GPR179: variants seen among roughly 807,000 people sequenced by gnomAD.
GPR179 encodes probable G protein-coupled receptor 179.
Under a neutral mutation model 70.8 loss-of-function variants are expected in GPR179, and 52 were observed. The ratio of observed to expected loss-of-function variants is 0.73; its 90% CI spans 0.59 to 0.93. The LOEUF is 0.93. GPR179 is among the 40% of genes least tolerant of loss of function. The pLI is 0.00. For synonymous variants in GPR179, 1,123 were observed against 1,169.0 expected, an observed-to-expected ratio of 0.96 and a Z score of 0.80; for missense variants, 2,734 against 2,966.8, an observed-to-expected ratio of 0.92 and a Z score of 1.82.
chr17:38,335,792 C>T, intron 5 of GPR179, 92 bp from the exon 6 acceptor site: 1 of 818,394 alleles, frequency 1.2e-6, no homozygotes, highest in South Asian at 1.4e-5. Context: ...TCCCAACAGC[C>T]CTGCAATAGA....
Position 38,325,049 on chromosome 17 carries a change from T to C in GPR179, c.*1416A>G, listed in dbSNP as rs2037272814. On this transcript the variant is annotated 3_prime_UTR_variant, in exon 11 of 11. Coordinates refer to ENST00000616987, the MANE Select transcript of GPR179 (RefSeq NM_001004334.4). ...TGTACTGTTAGAGGGCGTGACTTAC[T>C]GCCATCTTTAGTGCCCCTGTGCAGC... 6.6e-6 allele frequency among the ~76,000 whole-genome samples: 1 copy of C among 152,212 alleles called. No homozygotes were observed. The highest frequency in any genetic ancestry group is 1.5e-5 in the Non-Finnish European group (1 of 68,044).
At chr17:38,340,155 GAC>G (rs1198886799) in intron 1 of GPR179, among the ~76,000 whole-genome samples, 3 of 151,832 alleles carry the variant, frequency 2.0e-5, no homozygotes, top group Non-Finnish European at 4.4e-5. Context: ...TTTTTTCTTA[GAC>G]ACACAGTCTT....
chr17:38,328,821 T>C lies in GPR179; in HGVS notation c.4748A>G (p.Gln1583Arg), dbSNP rs1442145421. Reference protein sequence around the residue: ...CPQEDLRPEAQEATPAKTEIC... With the variant: ...CPQEDLRPEAREATPAKTEIC... ...TTCTGTTTTGGCAGGTGTTGCTTCC[T>C]GTGCCTCCGGCCTGAGATCTTCCTG... Residue 1583 changes from glutamine to arginine, a missense_variant, in exon 11 of 11, where the codon CAG becomes CGG. Transcript: ENST00000616987. The C allele has an allele frequency of 2.5e-6, 4 of 1,614,022 alleles. No individual in the cohort carries two copies. The highest frequency in any genetic ancestry group is 2.7e-5 in the African/African-American group (2 of 74,892).
At chr17:38,340,894 G>C (rs2037443999) in intron 1 of GPR179, among the ~76,000 whole-genome samples, 1 of 152,218 alleles carries the variant, frequency 6.6e-6, no homozygotes, top group Non-Finnish European at 1.5e-5. Context: ...CTTCAGCCTA[G>C]TGACAGAGCA....
At position 38,325,541 on chromosome 17, in the gene GPR179, G is replaced by A. The variant is rs1258243203; in HGVS notation, c.*924C>T. ...TCCAGTTGCCTTGACAAAAGAGAGA[G>A]GTCCTGTTGATGGCAGCGCTGAAAA... On this transcript the variant is annotated 3_prime_UTR_variant, in exon 11 of 11. Transcript: ENST00000616987. 1 of 152,228 alleles carries A rather than the reference G, an allele frequency of 6.6e-6. No individual in the cohort carries two copies. Among genetic ancestry groups the A allele is most frequent in the African/African-American group, 2.4e-5 (1 of 41,410 alleles). 9.4% of individuals were successfully genotyped at this position (152,228 alleles called of 1,614,324 possible). A position where few individuals can be genotyped will look rare whatever the true frequency, so the allele number is the denominator to read the frequency against.
chr17:38,341,909 G>A (rs2037451829), intron 1 of GPR179, among the ~76,000 whole-genome samples: 1 of 152,108 alleles, frequency 6.6e-6, no homozygotes, highest in African/African-American at 2.4e-5. Flanking sequence ...CTTGAGGTCA[G>A]GAGTTCGAGA....
chr17:38,333,597 C>T (rs2037378205), intron 9 of GPR179, among the ~76,000 whole-genome samples, 200 bp from the exon 10 acceptor site: 1 of 152,186 alleles, frequency 6.6e-6, no homozygotes, highest in Non-Finnish European at 1.5e-5. Context: ...TGGTTCTAAG[C>T]CCCTGACCCT....
Position 38,329,753 on chromosome 17 carries a change from T to C in GPR179, c.3816A>G (p.Gly1272=), listed in dbSNP as rs1227585481. The C allele has an allele frequency of 1.9e-6, 3 of 1,614,036 alleles. No homozygotes were observed. The highest frequency in any genetic ancestry group is 1.3e-5 in the African/African-American group (1 of 74,914). The stretch of plus-strand genomic sequence containing the variant: ...GTCTTAGTGCCCTCGACTCTGGGGC[T>C]CCTTCACTCGTCTCCCAGGGGCAGA... The part of the protein sequence containing the change: ...AEICPWETSE[G]APESRALRQD... Residue 1272 remains glycine (G), a synonymous_variant, in exon 11 of 11, where the codon GGA becomes GGG. Transcript: ENST00000616987.
Position 38,326,838 on chromosome 17 carries a change from C to G in GPR179, c.6731G>C (p.Gly2244Ala). 6.2e-7 allele frequency: 1 copy of G among 1,614,218 alleles called. No individual in the cohort carries two copies. The highest frequency in any genetic ancestry group is 8.5e-7 in the Non-Finnish European group (1 of 1,180,038). Residue 2244 changes from glycine to alanine, a missense_variant, in exon 11 of 11, where the codon GGG (glycine) becomes GCG (alanine). Transcript: ENST00000616987. ...CTCAGATGGGACTCCAGTTTCCTCC[C>G]CAGGACAGATGTCTGCCATGGTACC... ...IKGTMADICP[G>A]EETGVPSEES...
chr17:38,343,369 C>T lies in GPR179; in HGVS notation c.421G>A (p.Asp141Asn). The stretch of plus-strand genomic sequence containing the variant: ...AGCAAAGCCCTGTACACTCTTGGGT[C>T]CCCCTCGGCCACGCTGCGGACCAGT... ...QALVRSVAEG[D>N]PRVYRALLTF... The change falls in exon 1 of 11, where the codon GAC becomes AAC. Residue 141 changes from aspartate (D) to asparagine (N), a missense_variant. Transcript: ENST00000616987. This position sits in a 1 kb window ranked among gnomAD's most constrained non-coding sequence, Gnocchi z 4.2. The T allele has an allele frequency of 6.2e-7, 1 of 1,614,194 alleles. No homozygotes were observed. Among genetic ancestry groups the T allele is most frequent in the South Asian group, 1.1e-5 (1 of 91,088 alleles).
chr17:38,327,209 T>TA lies in GPR179; in HGVS notation c.6359dup (p.Glu2121ArgfsTer113). On this transcript the variant is annotated frameshift_variant, in exon 11 of 11. Transcript: ENST00000616987. LOFTEE classifies it low-confidence loss of function (END_TRUNC). Reference sequence around the variant, plus strand: ...CTGCTTTCTTGGCAGAGGGAGCCTCTACCACTTCCCACAGACACACTTCCG... The same window carrying TA: ...CTGCTTTCTTGGCAGAGGGAGCCTCTAACCACTTCCCACAGACACACTTCCG... 1 of 1,614,230 alleles carries TA rather than the reference T, an allele frequency of 6.2e-7. No individual in the cohort carries two copies. The highest frequency in any genetic ancestry group is 1.1e-5 in the South Asian group (1 of 91,084).
rs745518433 is a variant in GPR179, at chr17:38,327,245, C to G, written c.6324G>C (p.Glu2108Asp). 22 of 1,614,138 alleles carry G rather than the reference C, an allele frequency of 1.4e-5. No individual in the cohort carries two copies. Among genetic ancestry groups the G allele is most frequent in the Non-Finnish European group, 1.8e-5 (21 of 1,180,046 alleles). The change falls in exon 11 of 11, where the codon GAG becomes GAC. Residue 2108 changes from glutamate to aspartate, a missense_variant. Glu to Asp is a conservative substitution (Grantham distance 45, BLOSUM62 2). Transcript: ENST00000616987. Reference protein sequence around the residue: ...RGSSEAAGSVETRVAEVCLWE... With the variant: ...RGSSEAAGSVDTRVAEVCLWE... ...ACAGACACACTTCCGCTACCCTGGTCTCCACACTGCCTGCTGCCTCAGAAC... is the reference window on the plus strand; with the variant it reads ...ACAGACACACTTCCGCTACCCTGGTGTCCACACTGCCTGCTGCCTCAGAAC...
At chr17:38,342,806 G>A (rs1343851860) in intron 1 of GPR179, among the ~76,000 whole-genome samples, 190 bp downstream of exon 1, 1 of 152,212 alleles carries the variant, frequency 6.6e-6, no homozygotes. Flanking sequence ...ACACCTGTAT[G>A]TGTTAACAGA....
At position 38,334,093 on chromosome 17, in the gene GPR179, C is replaced by A; in HGVS notation, c.1785-55G>T. ...CTGCAGGCAGGAGTTGCCTCTTCTG[C>A]TTTGCCTTCTCACTGGCGTTTCACC... On this transcript the variant is annotated intron_variant, in intron 8 of 10. Transcript: ENST00000616987. This position sits in a 1 kb window ranked among gnomAD's most constrained non-coding sequence, Gnocchi z 4.7. The A allele has an allele frequency of 7.9e-7, 1 of 1,264,428 alleles. No homozygotes were observed. The highest frequency in any genetic ancestry group is 1.2e-6 in the Non-Finnish European group (1 of 862,890). 78.3% of individuals were successfully genotyped at this position (1,264,428 alleles called of 1,614,324 possible).
chr17:38,334,345 G>A lies in GPR179; in HGVS notation c.1785-307C>T, dbSNP rs1349489223. ...TCCACCACAGGGTCTGGTCGTTATG[G>A]ACAAACAGCAGCCTGCTGCTCTTAT... On this transcript the variant is annotated intron_variant, in intron 8 of 10. Coordinates refer to ENST00000616987, the MANE Select transcript of GPR179 (RefSeq NM_001004334.4). The surrounding 1 kb of genome is among the most constrained non-coding windows in gnomAD (Gnocchi z 4.7). Among the ~76,000 whole-genome samples, 1 of 152,238 alleles carries A rather than the reference G, an allele frequency of 6.6e-6. No homozygotes were observed. The highest frequency in any genetic ancestry group is 2.4e-5 in the African/African-American group (1 of 41,458).
rs2037431828 is a variant in GPR179, at chr17:38,339,437, AC to A, written c.882del (p.Cys295ValfsTer38). On this transcript the variant is annotated frameshift_variant, in exon 2 of 11. Coordinates refer to ENST00000616987, the MANE Select transcript of GPR179 (RefSeq NM_001004334.4). LOFTEE classifies it high-confidence loss of function. ...SGPGWYSNTH[L>X]CDLNSTQCVP... ...CTTACCTGGGTGCTGTTGAGATCACACAGGTGTGTGTTAGAGTACCAGCCTG... is the reference window on the plus strand; with the variant it reads ...CTTACCTGGGTGCTGTTGAGATCACAAGGTGTGTGTTAGAGTACCAGCCTG... 6.2e-7 allele frequency: 1 copy of A among 1,610,954 alleles called. No individual in the cohort carries two copies. Among genetic ancestry groups the A allele is most frequent in the Admixed American group, 1.7e-5 (1 of 59,974 alleles).
In GPR179 at chr17:38,330,937, C is replaced by G. The variant is rs373489712; in HGVS notation, c.2632G>C (p.Ala878Pro). The change falls in exon 11 of 11, where the codon GCC becomes CCC. Residue 878 changes from alanine to proline, a missense_variant. By Grantham distance (27) the Ala-to-Pro change is conservative. Coordinates refer to ENST00000616987, the MANE Select transcript of GPR179 (RefSeq NM_001004334.4). ...GGCCTCCGCACCAGGCTGGCCATGGCTGCCTTGGCCTTCTTCCGCTCCTCC... is the reference window on the plus strand; with the variant it reads ...GGCCTCCGCACCAGGCTGGCCATGGGTGCCTTGGCCTTCTTCCGCTCCTCC... ...EREERKKAKA[A>P]MASLVRRPSA... The G allele has an allele frequency of 1.9e-6, 3 of 1,609,874 alleles. No individual in the cohort carries two copies. The highest frequency in any genetic ancestry group is 2.5e-6 in the Non-Finnish European group (3 of 1,178,542).
Position 38,343,253 on chromosome 17 carries a change from A to G in GPR179, c.537T>C (p.Ser179=). 1 of 1,614,116 alleles carries G rather than the reference A, an allele frequency of 6.2e-7. No individual in the cohort carries two copies. Among genetic ancestry groups the G allele is most frequent in the Non-Finnish European group, 8.5e-7 (1 of 1,180,000 alleles). The change falls in exon 1 of 11, where the codon TCT becomes TCC. Residue 179 remains serine, a synonymous_variant. Transcript: ENST00000616987. This position sits in a 1 kb window ranked among gnomAD's most constrained non-coding sequence, Gnocchi z 4.2. The part of the protein sequence containing the change: ...TGEETILQDL[S]GNWVQEENPP... ...GGTTCTCCTCCTGCACCCAGTTCCCAGACAAGTCCTGCAGGATGGTTTCCT... is the reference window on the plus strand; with the variant it reads ...GGTTCTCCTCCTGCACCCAGTTCCCGGACAAGTCCTGCAGGATGGTTTCCT...
intron 6 of GPR179, 83 bp from the exon 7 acceptor site, chr17:38,335,354 A>G: frequency 9.5e-7 from 1 of 1,053,168 alleles, no homozygotes; most frequent in Non-Finnish European, 1.4e-6. Flanking sequence ...GTCTCTGTCC[A>G]TTGCTGCCCT....
Sources: gnomAD v4.1 joint callset for allele counts (sites outside exome capture counted in the v4.1 genomes callset) on GRCh38, gnomAD v4.1.1 for gene constraint, Gnocchi (gnomAD v3.1) non-coding constraint, MANE v1.5 for transcripts, NCBI Gene and HGNC (gene_info 2026-07-23, HGNC 2026-07-21) for gene names.